The following SOX6 variants were observed in gnomAD, a reference collection of about 807,000 sequenced individuals.
SOX6 encodes the protein transcription factor SOX-6.
A neutral mutation model predicts 97.8 loss-of-function variants in SOX6; 11 were observed. The ratio of observed to expected loss-of-function variants is 0.11; its 90% CI spans 0.07 to 0.19. The LOEUF is 0.19. Among genes scored for constraint, SOX6 ranks in the 10% least tolerant of loss-of-function variants. The pLI is 1.00. For synonymous variants in SOX6, 360 were observed against 371.4 expected (o/e 0.97, Z 0.35); for missense variants, 810 against 1,039.5 (o/e 0.78, Z 3.04).
At chr11:16,705,463 A>C (rs1350717916) in intron 3 of SOX6, among the ~76,000 whole-genome samples, 2 of 151,942 alleles carry the variant, frequency 1.3e-5, no homozygotes, top group African/African-American at 2.4e-5. Context: ...CGTCCCTAAA[A>C]AACAAATTTA....
At chr11:16,615,472 A>C (rs1848460138) in intron 3 of SOX6, among the ~76,000 whole-genome samples, 1 of 152,238 alleles carries the variant, frequency 6.6e-6, no homozygotes, top group Non-Finnish European at 1.5e-5. Context: ...ACTGGAACAC[A>C]AATCACATGT....
intron 4 of SOX6, among the ~76,000 whole-genome samples, chr11:16,218,454 T>C (rs1294922488): frequency 6.6e-6 from 1 of 152,136 alleles, no homozygotes; most frequent in African/African-American, 2.4e-5. Flanking sequence ...AAATCAAATG[T>C]ATTTTAAGTA....
chr11:16,673,173 A>G (rs1190994343), intron 3 of SOX6, among the ~76,000 whole-genome samples: 1 of 152,174 alleles, frequency 6.6e-6, no homozygotes, highest in Non-Finnish European at 1.5e-5. Context: ...AAAAGAGAAA[A>G]ACTTCAAATA....
chr11:16,359,499 T>G (rs1323788718), upstream of SOX6, among the ~76,000 whole-genome samples: 1 of 152,180 alleles, frequency 6.6e-6, no homozygotes, highest in East Asian at 1.9e-4. Context: ...TTAGGAAGGA[T>G]GACTCATCCA....
At chr11:16,303,092 T>C (rs1379867263) in intron 3 of SOX6, among the ~76,000 whole-genome samples, 1 of 152,236 alleles carries the variant, frequency 6.6e-6, no homozygotes, top group Non-Finnish European at 1.5e-5. Context: ...ATGGAATTAA[T>C]AAGCATATGT....
At chr11:16,541,327 T>C (rs1438240571) in intron 4 of SOX6, among the ~76,000 whole-genome samples, 1 of 152,034 alleles carries the variant, frequency 6.6e-6, no homozygotes, top group Non-Finnish European at 1.5e-5. Flanking sequence ...TAACTCAAGA[T>C]GGATTAAAGA....
At chr11:16,027,818 C>A (rs1855254202) in intron 12 of SOX6, among the ~76,000 whole-genome samples, 1 of 152,190 alleles carries the variant, frequency 6.6e-6, no homozygotes. Flanking sequence ...TAGAAGAGAA[C>A]TGAAAATGGC....
chr11:16,614,558 C>A lies in SOX6; in HGVS notation n.430-2298G>T, dbSNP rs536679899. Among the ~76,000 whole-genome samples, 18 of 152,268 alleles carry A rather than the reference C, an allele frequency of 1.2e-4. No individual in the cohort carries two copies. In the East Asian group the frequency reaches 2.9e-3, roughly 24 times the overall value. ...GATTTTCTATTTTCCCATTCCTACC[C>A]CTATGGAAGCCTTTTTCGCTCACCG... On this transcript the variant is annotated intron_variant and non_coding_transcript_variant, in intron 3 of 5. Coordinates refer to the SOX6 transcript ENST00000524520.
chr11:16,198,943 T>A (rs900716682), intron 4 of SOX6, among the ~76,000 whole-genome samples: 1 of 152,134 alleles, frequency 6.6e-6, no homozygotes, highest in Non-Finnish European at 1.5e-5. Flanking sequence ...CAATGTATAC[T>A]TCCTACGTGT....
upstream of SOX6, among the ~76,000 whole-genome samples, chr11:16,480,229 C>A (rs1860320176): frequency 6.6e-6 from 1 of 151,956 alleles, no homozygotes; most frequent in Non-Finnish European, 1.5e-5. Flanking sequence ...CTTTATTACC[C>A]TTATGGTTTG....
At chr11:16,479,630 A>G (rs1405126093), upstream of SOX6, among the ~76,000 whole-genome samples, 1 of 151,988 alleles carries the variant, frequency 6.6e-6, no homozygotes, top group East Asian at 1.9e-4. Flanking sequence ...AAAATTAGGA[A>G]CCTCCCAAAT....
chr11:16,259,423 T>A (rs1352345549), intron 3 of SOX6, among the ~76,000 whole-genome samples: 3 of 152,060 alleles, frequency 2.0e-5, no homozygotes, highest in Non-Finnish European at 4.4e-5. Flanking sequence ...TCTTTTAAAT[T>A]GACAAGTATA....
At chr11:16,623,436 A>C (rs1334862514) in intron 3 of SOX6, among the ~76,000 whole-genome samples, 1 of 151,664 alleles carries the variant, frequency 6.6e-6, no homozygotes, top group African/African-American at 2.4e-5. Context: ...AATTTGTTTG[A>C]ATTCCTTGTA....
intron 6 of SOX6, among the ~76,000 whole-genome samples, chr11:16,164,271 G>T (rs1363992931): frequency 6.6e-6 from 1 of 152,108 alleles, no homozygotes; most frequent in Admixed American, 6.5e-5. Context: ...GCCCAGCCTA[G>T]AAATTCTTAA....
At chr11:16,055,701 T>C (rs1190472969) in intron 10 of SOX6, 51 bp downstream of exon 10, 5 of 1,612,114 alleles carry the variant, frequency 3.1e-6, no homozygotes, top group East Asian at 2.2e-5. Flanking sequence ...ACTATCTTTC[T>C]TGTGAAACTT....
At chr11:16,583,019 T>C (rs1424645919) in intron 4 of SOX6, among the ~76,000 whole-genome samples, 1 of 152,108 alleles carries the variant, frequency 6.6e-6, no homozygotes, top group Non-Finnish European at 1.5e-5. Context: ...TACAGATTCA[T>C]ATATACACTT....
In SOX6 at chr11:16,487,573, G is replaced by C. The variant is rs1391525925; in HGVS notation, n.610-11185C>G. Among the ~76,000 whole-genome samples the C allele has an allele frequency of 6.6e-5, 10 of 152,266 alleles. No individual in the cohort carries two copies. The East Asian group carries it at 1.9e-3, about 29-fold the overall frequency. ...AAAATGGAGTAACAGTAGAGTGGCA[G>C]AGATTTAAAAAGCAATCATTTAACA... On this transcript the variant is annotated intron_variant and non_coding_transcript_variant, in intron 4 of 5. Coordinates refer to the SOX6 transcript ENST00000524520.
At chr11:16,525,819 G>A (rs1397618281) in intron 4 of SOX6, among the ~76,000 whole-genome samples, 27 of 152,088 alleles carry the variant, frequency 1.8e-4, no homozygotes, top group Admixed American at 4.6e-4. Flanking sequence ...ACAAGTGGGC[G>A]AAGGATATAA....
At chr11:16,444,986 A>G (rs1346232005) in intron 1 of SOX6, among the ~76,000 whole-genome samples, 1 of 152,208 alleles carries the variant, frequency 6.6e-6, no homozygotes, top group African/African-American at 2.4e-5. Context: ...ACTTCCACAT[A>G]GAAATCATGC....
Sources: allele counts gnomAD v4.1 joint callset (sites outside exome capture counted in the v4.1 genomes callset), GRCh38; gene constraint gnomAD v4.1.1; transcripts MANE v1.5; gene names NCBI Gene and HGNC (gene_info 2026-07-23, HGNC 2026-07-21).